PPP4R3A: variants seen among roughly 807,000 people sequenced by gnomAD.
The protein encoded by PPP4R3A is protein phosphatase 4 regulatory subunit 3A, also known as serine/threonine-protein phosphatase 4 regulatory subunit 3A.
Under a neutral mutation model 91.7 loss-of-function variants are expected in PPP4R3A, and 15 were observed. That is an observed-to-expected ratio of 0.16 (90% CI 0.11 to 0.25). PPP4R3A has a LOEUF of 0.25. Ranked by LOEUF, PPP4R3A falls within the 10% of genes least tolerant of loss-of-function variation. The pLI, the probability that PPP4R3A is intolerant of heterozygous loss-of-function variation, is 1.00. For missense variants in PPP4R3A, 623 were observed against 998.4 expected, an observed-to-expected ratio of 0.62 and a Z score of 5.07; for synonymous variants, 377 against 348.7, an observed-to-expected ratio of 1.08 and a Z score of -0.91.
Position 91,509,372 on chromosome 14 carries a change from C to T in PPP4R3A, c.142+134G>A, listed in dbSNP as rs997624909. 6 of 1,288,414 alleles carry T rather than the reference C, an allele frequency of 4.7e-6. No individual in the cohort carries two copies. The Admixed American group carries it at 7.0e-5, about 15-fold the overall frequency. The allele number at this position is 1,288,414 out of a possible 1,614,324, so 79.8% of individuals were successfully genotyped here. A position where few individuals can be genotyped will look rare whatever the true frequency, so the allele number is the denominator to read the frequency against. ...CAAGACTGGGGTACCTGGGGCCCGT[C>T]CTCCCCCGAGGTGGCCGCCCTCCCC... is the stretch of plus-strand genomic sequence containing the variant. On this transcript the variant is annotated intron_variant, in intron 1 of 14. Transcript: ENST00000554943.
intron 1 of PPP4R3A, among the ~76,000 whole-genome samples, chr14:91,502,898 ACTTCG>A (rs1374017468): frequency 6.6e-6 from 1 of 152,252 alleles, no homozygotes; most frequent in Non-Finnish European, 1.5e-5. Context: ...CTTGGCAAGT[ACTTCG>A]TAATAAGGAG....
chr14:91,510,111 T>C lies in PPP4R3A; in HGVS notation c.-464A>G. 1 of 195,826 alleles carries C rather than the reference T, an allele frequency of 5.1e-6. No individual in the cohort carries two copies. Among genetic ancestry groups the C allele is most frequent in the East Asian group, 1.9e-4 (1 of 5,398 alleles). 12.1% of individuals were successfully genotyped at this position (195,826 alleles called of 1,614,324 possible). On this transcript the variant is annotated 5_prime_UTR_variant, in exon 1 of 15. Transcript: ENST00000554943. ...ACCGCGGCCAGTGGCTCCCTTCCGCTCCCCCTGTTTTAAACGTCAGAAGCC... is the reference window on the plus strand; with the variant it reads ...ACCGCGGCCAGTGGCTCCCTTCCGCCCCCCCTGTTTTAAACGTCAGAAGCC...
chr14:91,484,829 G>T (rs981068182), intron 3 of PPP4R3A, among the ~76,000 whole-genome samples: 2 of 152,124 alleles, frequency 1.3e-5, no homozygotes, highest in Non-Finnish European at 2.9e-5. Flanking sequence ...ACCTTCTCTA[G>T]AAAGAAATGG....
intron 1 of PPP4R3A, among the ~76,000 whole-genome samples, chr14:91,505,211 G>A (rs888081743): frequency 2.6e-5 from 4 of 152,090 alleles, no homozygotes; most frequent in African/African-American, 9.7e-5. Context: ...CCAGCACTTT[G>A]GGAGGCTGAG....
Position 91,457,581 on chromosome 14 carries a change from A to C in PPP4R3A, c.*1178T>G, listed in dbSNP as rs1887839850. 6.6e-6 allele frequency: 1 copy of C among 152,596 alleles called. No individual in the cohort carries two copies. Among genetic ancestry groups the C allele is most frequent in the African/African-American group, 2.4e-5 (1 of 41,452 alleles). The allele number at this position is 152,596 out of a possible 1,614,324, so 9.5% of individuals were successfully genotyped here. On this transcript the variant is annotated 3_prime_UTR_variant, in exon 15 of 15. Transcript: ENST00000554943. ...GGTATTCCAAAGGGAGTAGTTAAAA[A>C]CAAAAACAAGAAACATACAACTAAT...
intron 1 of PPP4R3A, among the ~76,000 whole-genome samples, chr14:91,498,731 G>A (rs890037139): frequency 6.6e-6 from 1 of 151,534 alleles, no homozygotes; most frequent in Non-Finnish European, 1.5e-5. Flanking sequence ...TGGCTAACAC[G>A]GTGAAACCCC....
rs765517627 is a variant in PPP4R3A at position 91,475,955 on chromosome 14, A to T, written c.1122T>A (p.Asp374Glu). 5.0e-6 allele frequency: 8 copies of T among 1,584,490 alleles called. No homozygotes were observed. The East Asian group carries it at 1.8e-4, about 36-fold the overall frequency. ...PALEVILGMD[D>E]TQVRSAATDI... is the part of the protein sequence containing the mutation. ...CAGTAGCAGCACTTCGCACCTGTGT[A>T]TCATCCATGCCCTGCAGACAAAAAA... is the stretch of plus-strand genomic sequence containing the variant. Residue 374 changes from aspartate to glutamate, a missense_variant, in exon 7 of 15, where the codon GAT (aspartate) becomes GAA (glutamate). Coordinates refer to ENST00000554943, the MANE Select transcript of PPP4R3A (RefSeq NM_001366432.2).
chr14:91,509,461 G>C (rs1248047048), intron 1 of PPP4R3A, 45 bp downstream of exon 1: 2 of 1,547,426 alleles, frequency 1.3e-6, no homozygotes, highest in Non-Finnish European at 8.7e-7. Flanking sequence ...GGCGGCCCAG[G>C]GCCGTGGGGG....
chr14:91,502,246 C>T (rs1891010455), intron 1 of PPP4R3A, among the ~76,000 whole-genome samples: 1 of 151,956 alleles, frequency 6.6e-6, no homozygotes, highest in Admixed American at 6.6e-5. Context: ...ACAGTAAGAT[C>T]CCACCTCCCC....
At chr14:91,495,283 C>T (rs934451496) in intron 1 of PPP4R3A, among the ~76,000 whole-genome samples, 2 of 79,682 alleles carry the variant, frequency 2.5e-5, no homozygotes, top group Admixed American at 2.7e-4. Flanking sequence ...TCATAAAATA[C>T]CACATGTCCA....
intron 1 of PPP4R3A, among the ~76,000 whole-genome samples, chr14:91,495,921 A>AAAAAC (rs1336986133): frequency 1.3e-5 from 1 of 77,900 alleles, no homozygotes; most frequent in Non-Finnish European, 2.4e-5. Context: ...CCAGTCTCAA[A>AAAAAC]AAAACAAAAC....
chr14:91,471,985 A>T (rs1888866699), intron 9 of PPP4R3A, among the ~76,000 whole-genome samples: 1 of 148,938 alleles, frequency 6.7e-6, no homozygotes, highest in Admixed American at 6.9e-5. Flanking sequence ...GAATTGCTCA[A>T]ACCTGGGAGG....
Position 91,458,488 on chromosome 14 carries a change from T to TG in PPP4R3A, c.*270dup. 1 of 492,860 alleles carries TG rather than the reference T, an allele frequency of 2.0e-6. No homozygotes were observed. Among genetic ancestry groups the TG allele is most frequent in the Non-Finnish European group, 3.7e-6 (1 of 270,582 alleles). 30.5% of individuals were successfully genotyped at this position (492,860 alleles called of 1,614,324 possible). On this transcript the variant is annotated 3_prime_UTR_variant, in exon 15 of 15. Transcript: ENST00000554943. ...TCCACTTACAAAACCCCTGCCCTGT[T>TG]GGCTTTTTGTTTCCATTTCCTTCCC...
chr14:91,505,948 A>G (rs7148004), intron 1 of PPP4R3A, among the ~76,000 whole-genome samples: 3 of 148,456 alleles, frequency 2.0e-5, no homozygotes, highest in Non-Finnish European at 4.5e-5. Context: ...TATAATTGAA[A>G]TTTTTTTTTT....
chr14:91,506,379 T>C (rs182642501), intron 1 of PPP4R3A, among the ~76,000 whole-genome samples: 1 of 152,222 alleles, frequency 6.6e-6, no homozygotes, highest in Admixed American at 6.5e-5. Context: ...GACACTGTTG[T>C]AAGAATTACG....
intron 11 of PPP4R3A, among the ~76,000 whole-genome samples, chr14:91,464,494 T>C (rs1415486297): frequency 1.3e-5 from 2 of 152,108 alleles, no homozygotes; most frequent in East Asian, 3.9e-4. Flanking sequence ...CCAGGTACTG[T>C]GGTATGCACC....
chr14:91,502,045 C>T (rs895617014), intron 1 of PPP4R3A, among the ~76,000 whole-genome samples: 3 of 151,854 alleles, frequency 2.0e-5, no homozygotes, highest in Non-Finnish European at 4.4e-5. Flanking sequence ...GCTTTAAACC[C>T]GTAACAGGTA....
Position 91,458,644 on chromosome 14 carries a change from T to C in PPP4R3A, c.*115A>G. 1 of 1,456,638 alleles carries C rather than the reference T, an allele frequency of 6.9e-7. No individual in the cohort carries two copies. Among genetic ancestry groups the C allele is most frequent in the Non-Finnish European group, 9.6e-7 (1 of 1,038,006 alleles). The allele number at this position is 1,456,638 out of a possible 1,614,324, so 90.2% of individuals were successfully genotyped here. ...TGAGCAGAAGTCAAGTGTAAGAGGC[T>C]GATCTGTGTCAGTCATTCACAAGAG... On this transcript the variant is annotated 3_prime_UTR_variant, in exon 15 of 15. Coordinates refer to ENST00000554943, the MANE Select transcript of PPP4R3A (RefSeq NM_001366432.2).
chr14:91,473,012 T>A, intron 9 of PPP4R3A, 21 bp downstream of exon 9: 1 of 1,605,968 alleles, frequency 6.2e-7, no homozygotes. Flanking sequence ...AGAACTTAAC[T>A]ACCAACCTGA....
Sources: gnomAD v4.1 joint callset for allele counts (sites outside exome capture counted in the v4.1 genomes callset) on GRCh38, gnomAD v4.1.1 for gene constraint, MANE v1.5 for transcripts, NCBI Gene and HGNC (gene_info 2026-07-23, HGNC 2026-07-21) for gene names.